ZZEF1: variants seen among roughly 807,000 people sequenced by gnomAD.
ZZEF1 encodes the protein zinc finger ZZ-type and EF-hand domain-containing protein 1.
ZZEF1 carries 157 observed loss-of-function variants against 342.8 expected under a neutral mutation model. That is an observed-to-expected ratio of 0.46 (90% CI 0.40 to 0.52). The LOEUF (loss-of-function observed/expected upper bound fraction) is 0.52. ZZEF1 is among the 20% of genes least tolerant of loss of function. The pLI is 0.00. For missense variants in ZZEF1, 3,480 were observed against 3,725.6 expected, an observed-to-expected ratio of 0.93 and a Z score of 1.72; for synonymous variants, 1,505 against 1,429.1, an observed-to-expected ratio of 1.05 and a Z score of -1.20.
rs368508906 is a variant in ZZEF1, at chr17:4,116,960, A to C, written c.694+12T>G. 1.6e-4 allele frequency: 259 copies of C among 1,575,758 alleles called. No individual in the cohort carries two copies. The highest frequency in any genetic ancestry group is 8.1e-4 in the African/African-American group (60 of 73,832). On this transcript the variant is annotated intron_variant, in intron 3 of 54. Transcript: ENST00000381638. ...TCAGAGTATTTTCAGGAGAACCCCC[A>C]CACACACATACCCTTTTCCTTTTGT...
Position 4,121,704 on chromosome 17 carries a change from C to T in ZZEF1, c.499+2203G>A, listed in dbSNP as rs1227266682. Among the ~76,000 whole-genome samples, 3 of 151,708 alleles carry T rather than the reference C, an allele frequency of 2.0e-5. No homozygotes were observed. In the East Asian group the frequency reaches 5.8e-4, roughly 29 times the overall value. On this transcript the variant is annotated intron_variant, in intron 2 of 54. Coordinates refer to ENST00000381638, the MANE Select transcript of ZZEF1 (RefSeq NM_015113.4). ...TATAACATTACATAATTAAAGACAA[C>T]CTGAAGGAGAATGGAGATACACATT...
At chr17:4,023,679 TTAAC>T (rs1003572741) in intron 43 of ZZEF1, among the ~76,000 whole-genome samples, 1 of 109,030 alleles carries the variant, frequency 9.2e-6, no homozygotes, top group Non-Finnish European at 1.9e-5. Flanking sequence ...AAAAAAAAAA[TTAAC>T]TGGGCATGAT....
intron 24 of ZZEF1, 72 bp downstream of exon 24, chr17:4,074,078 A>G: frequency 6.4e-7 from 1 of 1,559,146 alleles, no homozygotes; most frequent in South Asian, 1.1e-5. Context: ...GAAACGACCT[A>G]CAAGAGGGCA....
chr17:4,107,444 G>A (rs2058230783), intron 6 of ZZEF1, among the ~76,000 whole-genome samples: 1 of 152,196 alleles, frequency 6.6e-6, no homozygotes, highest in Admixed American at 6.5e-5. Flanking sequence ...TTTAGAGCCT[G>A]AGCAGGGTGA....
chr17:4,124,144 ATTT>A, intron 1 of ZZEF1, 93 bp from the exon 2 acceptor site: 1 of 1,426,202 alleles, frequency 7.0e-7, no homozygotes, highest in Non-Finnish European at 9.3e-7. Flanking sequence ...GAGACCGGTG[ATTT>A]ATTTATTTTT....
At chr17:4,070,373 T>G (rs771909005) in intron 26 of ZZEF1, among the ~76,000 whole-genome samples, 1 of 152,216 alleles carries the variant, frequency 6.6e-6, no homozygotes, top group Non-Finnish European at 1.5e-5. Context: ...TTTGAGTTTT[T>G]GCACTGGGAC....
intron 11 of ZZEF1, among the ~76,000 whole-genome samples, chr17:4,094,176 C>G (rs1024010539): frequency 6.6e-6 from 1 of 152,178 alleles, no homozygotes; most frequent in Non-Finnish European, 1.5e-5. Flanking sequence ...GGATCTCACT[C>G]TGTCACCCAG....
intron 2 of ZZEF1, among the ~76,000 whole-genome samples, chr17:4,122,071 G>A (rs1013038347): frequency 4.0e-5 from 6 of 151,100 alleles, no homozygotes; most frequent in African/African-American, 9.8e-5. Flanking sequence ...AGCTCAATAC[G>A]TCACTCAGCA....
chr17:4,103,413 G>A (rs1052683339), intron 8 of ZZEF1, among the ~76,000 whole-genome samples: 13 of 151,836 alleles, frequency 8.6e-5, no homozygotes, highest in Non-Finnish European at 1.2e-4. Flanking sequence ...CAGGTGTGGT[G>A]ACCCATGCCT....
Position 4,017,186 on chromosome 17 carries a change from C to T in ZZEF1, c.8001+185G>A, listed in dbSNP as rs2056127833. The T allele has an allele frequency of 1.2e-6, 1 of 805,344 alleles. No homozygotes were observed. The highest frequency in any genetic ancestry group is 3.1e-5 in the Admixed American group (1 of 31,774). 49.9% of individuals were successfully genotyped at this position (805,344 alleles called of 1,614,324 possible). On this transcript the variant is annotated intron_variant, in intron 48 of 54. Transcript: ENST00000381638. The surrounding 1 kb of genome is among the most constrained non-coding windows in gnomAD (Gnocchi z 5.1). ...CAGCTGGAAATCGCGCTCAGGGCCC[C>T]TGAGTTCCTCACTAGCCCAATCCTT...
rs561959317 is a variant in ZZEF1, at chr17:4,114,634, G to C, written c.695-164C>G. Among the ~76,000 whole-genome samples, 26 of 152,284 alleles carry C rather than the reference G, an allele frequency of 1.7e-4. No homozygotes were observed. In the South Asian group the frequency reaches 1.9e-3, roughly 11 times the overall value. On this transcript the variant is annotated intron_variant, in intron 3 of 54. Coordinates refer to ENST00000381638, the MANE Select transcript of ZZEF1 (RefSeq NM_015113.4). ...TCCTTTTGTAGTTCATCAGTGTCATGAGTGGGTTTTCACGCACATGTGTCA... is the reference window on the plus strand; with the variant it reads ...TCCTTTTGTAGTTCATCAGTGTCATCAGTGGGTTTTCACGCACATGTGTCA...
intron 24 of ZZEF1, among the ~76,000 whole-genome samples, chr17:4,073,453 C>T (rs1417177879): frequency 2.0e-5 from 3 of 152,152 alleles, no homozygotes; most frequent in African/African-American, 7.2e-5. Context: ...TTTTAAGAGA[C>T]AAGAGTCTCT....
intron 52 of ZZEF1, 31 bp from the exon 53 acceptor site, chr17:4,009,788 T>A: frequency 6.2e-7 from 1 of 1,607,134 alleles, no homozygotes; most frequent in South Asian, 1.1e-5. Context: ...GTGGTCAGTT[T>A]ACTGAGAGCC....
At chr17:4,056,828 C>T (rs1274731457) in intron 32 of ZZEF1, 1 of 152,168 alleles carries the variant, frequency 6.6e-6, no homozygotes, top group African/African-American at 2.4e-5. Context: ...TCCTCAGTCT[C>T]CCCATTTCAG....
intron 13 of ZZEF1, among the ~76,000 whole-genome samples, chr17:4,087,764 TATATAG>T (rs1309733533): frequency 3.4e-5 from 5 of 147,974 alleles, no homozygotes; most frequent in African/African-American, 5.2e-5. Context: ...TATGTAAGTG[TATATAG>T]ATATATACAC....
intron 2 of ZZEF1, among the ~76,000 whole-genome samples, chr17:4,120,875 C>T (rs975612735): frequency 2.0e-5 from 3 of 152,116 alleles, no homozygotes; most frequent in Non-Finnish European, 4.4e-5. Context: ...AAATGAATTC[C>T]AAGCCTAATG....
In ZZEF1 at chr17:4,078,028, C is replaced by G. The variant is rs765656774; in HGVS notation, c.2844G>C (p.Met948Ile). 5.0e-6 allele frequency: 8 copies of G among 1,613,846 alleles called. No homozygotes were observed. Among genetic ancestry groups the G allele is most frequent in the Non-Finnish European group, 6.8e-6 (8 of 1,179,936 alleles). Residue 948 changes from methionine (M) to isoleucine (I), a missense_variant, in exon 19 of 55, where the codon ATG (methionine) becomes ATC (isoleucine). Physicochemically the swap from Met to Ile is conservative, Grantham distance 10. Coordinates refer to ENST00000381638, the MANE Select transcript of ZZEF1 (RefSeq NM_015113.4). ...SVAARECELL[M>I]LSGAPGEVGS... ...CCACCTCCCCTGGGGCCCCACTGAG[C>G]ATTAACAGCTCGCACTACAAGGGAG...
intron 43 of ZZEF1, among the ~76,000 whole-genome samples, chr17:4,024,192 T>TTTTTTTTTA (rs2056347067): frequency 1.6e-5 from 2 of 128,568 alleles, no homozygotes; most frequent in South Asian, 5.0e-4. Flanking sequence ...CCAGGTTTTT[T>TTTTTTTTTA]TTTTTTTTTT....
chr17:4,042,983 A>G (rs921358592), intron 38 of ZZEF1, among the ~76,000 whole-genome samples: 7 of 152,118 alleles, frequency 4.6e-5, no homozygotes, highest in Non-Finnish European at 7.4e-5. Context: ...CTCCCGGCCT[A>G]AAGCTGGGAT....
Sources: gnomAD v4.1 joint callset for allele counts (sites outside exome capture counted in the v4.1 genomes callset) on GRCh38, gnomAD v4.1.1 for gene constraint, Gnocchi (gnomAD v3.1) non-coding constraint, MANE v1.5 for transcripts, NCBI Gene and HGNC (gene_info 2026-07-23, HGNC 2026-07-21) for gene names.